Variants in RIMS2 observed in about 807,000 individuals in gnomAD.
RIMS2 encodes the protein regulating synaptic membrane exocytosis 2, also known as regulating synaptic membrane exocytosis protein 2.
RIMS2 carries 59 observed loss-of-function variants against 174.4 expected under a neutral mutation model. The observed-to-expected ratio is 0.34, with a 90% CI of 0.27 to 0.42. RIMS2 has a LOEUF of 0.42. Among genes scored for constraint, RIMS2 ranks in the 10% least tolerant of loss-of-function variants. RIMS2 has a pLI of 1.00. For synonymous variants in RIMS2, 606 were observed against 572.5 expected (o/e 1.06, Z -0.84); for missense variants, 1,620 against 1,666.3 (o/e 0.97, Z 0.48).
intron 3 of RIMS2, among the ~76,000 whole-genome samples, chr8:103,793,231 C>G (rs987486971): frequency 6.6e-6 from 1 of 152,190 alleles, no homozygotes; most frequent in African/African-American, 2.4e-5. Context: ...AGCTTATCCA[C>G]TACGATCAAG....
At chr8:103,758,560 T>G (rs1257712894) in intron 2 of RIMS2, among the ~76,000 whole-genome samples, 1 of 152,174 alleles carries the variant, frequency 6.6e-6, no homozygotes, top group Non-Finnish European at 1.5e-5. Context: ...CATGCAGCAC[T>G]TCTAGTTCTG....
At chr8:104,030,812 C>T (rs1486429433) in intron 19 of RIMS2, among the ~76,000 whole-genome samples, 1 of 152,076 alleles carries the variant, frequency 6.6e-6, no homozygotes, top group Non-Finnish European at 1.5e-5. Context: ...TTATTTCCTT[C>T]TTACCTACTT....
At chr8:103,802,455 T>C (rs1432494238) in intron 3 of RIMS2, among the ~76,000 whole-genome samples, 1 of 152,096 alleles carries the variant, frequency 6.6e-6, no homozygotes, top group East Asian at 1.9e-4. Context: ...CCCCTTTGGC[T>C]CTCCCAATAC....
chr8:103,774,962 T>C (rs146905898), intron 3 of RIMS2, among the ~76,000 whole-genome samples: 61 of 152,290 alleles, frequency 4.0e-4, no homozygotes, highest in African/African-American at 1.3e-3. Context: ...ACTGGTTTCA[T>C]TGAAATTTTA....
chr8:104,144,371 C>G (rs1306822789), intron 19 of RIMS2, among the ~76,000 whole-genome samples: 1 of 152,114 alleles, frequency 6.6e-6, no homozygotes, highest in Admixed American at 6.5e-5. Context: ...AACACTCAAT[C>G]TATTGTGTAG....
chr8:103,827,314 T>C (rs1045865144), intron 3 of RIMS2, among the ~76,000 whole-genome samples: 3 of 152,216 alleles, frequency 2.0e-5, no homozygotes, highest in Non-Finnish European at 4.4e-5. Context: ...AATATTAACC[T>C]TTTATCTTTT....
chr8:104,035,975 A>G (rs1352920960), intron 19 of RIMS2, among the ~76,000 whole-genome samples: 5 of 152,118 alleles, frequency 3.3e-5, no homozygotes, highest in African/African-American at 1.2e-4. Flanking sequence ...TGTAACCATG[A>G]AGTGAAATTT....
At chr8:103,917,258 G>A (rs2076788245) in intron 8 of RIMS2, among the ~76,000 whole-genome samples, 1 of 152,122 alleles carries the variant, frequency 6.6e-6, no homozygotes, top group Non-Finnish European at 1.5e-5. Context: ...GAAATCCTTT[G>A]TTGTAGAATG....
At position 103,810,393 on chromosome 8, in the gene RIMS2, A is replaced by G. The variant is rs143199299; in HGVS notation, c.698+43856A>G. 2.9e-3 allele frequency among the ~76,000 whole-genome samples: 448 copies of G among 152,288 alleles called. 2 individuals are homozygous for G. The highest frequency in any genetic ancestry group is 4.6e-3 in the Non-Finnish European group (312 of 68,018). ...AACTCACTGTTTCCCATTTACACTC[A>G]ATCAGTGGCAAGCAGCTAGTCAGTA... On this transcript the variant is annotated intron_variant, in intron 3 of 23. Transcript: ENST00000504942.
intron 2 of RIMS2, among the ~76,000 whole-genome samples, chr8:103,720,836 A>C (rs1378616676): frequency 6.6e-6 from 1 of 152,236 alleles, no homozygotes; most frequent in Non-Finnish European, 1.5e-5. Flanking sequence ...AATATATTAT[A>C]CATTCTAAGT....
intron 1 of RIMS2, among the ~76,000 whole-genome samples, chr8:103,546,013 A>G (rs960569339): frequency 6.6e-6 from 1 of 152,208 alleles, no homozygotes; most frequent in Admixed American, 6.5e-5. Flanking sequence ...CATTGACAGG[A>G]TTGAACCTGC....
intron 3 of RIMS2, among the ~76,000 whole-genome samples, chr8:103,838,884 T>C (rs1002078513): frequency 2.0e-5 from 3 of 152,058 alleles, no homozygotes; most frequent in South Asian, 2.1e-4. Context: ...GCTAACACGG[T>C]GAAACCCCGT....
intron 19 of RIMS2, among the ~76,000 whole-genome samples, chr8:104,207,215 C>T (rs531148625): frequency 3.9e-5 from 6 of 152,162 alleles, no homozygotes; most frequent in Admixed American, 2.0e-4. Flanking sequence ...ATTTCTGCTA[C>T]GCCCAGCCCA....
intron 1 of RIMS2, among the ~76,000 whole-genome samples, chr8:103,623,104 G>T (rs1400059134): frequency 1.3e-5 from 2 of 152,132 alleles, no homozygotes; most frequent in East Asian, 1.9e-4. Context: ...CATATTGAAG[G>T]TTAATAAAAA....
intron 3 of RIMS2, among the ~76,000 whole-genome samples, chr8:103,824,176 T>A (rs974585996): frequency 3.9e-5 from 6 of 152,140 alleles, no homozygotes; most frequent in African/African-American, 1.4e-4. Flanking sequence ...GCATTTTCTT[T>A]ATTGAAAGAA....
At chr8:103,716,980 G>A (rs2138229381) in intron 2 of RIMS2, among the ~76,000 whole-genome samples, 1 of 152,108 alleles carries the variant, frequency 6.6e-6, no homozygotes, top group East Asian at 1.9e-4. Context: ...CTGCCATGGA[G>A]ACTGATGACT....
intron 17 of RIMS2, chr8:103,998,198 C>G: frequency 6.2e-7 from 1 of 1,606,932 alleles, no homozygotes; most frequent in Non-Finnish European, 8.5e-7. Flanking sequence ...TTTTCTTACT[C>G]TACCTCGCTC....
At chr8:103,693,406 C>T (rs1162166953) in intron 1 of RIMS2, among the ~76,000 whole-genome samples, 1 of 152,100 alleles carries the variant, frequency 6.6e-6, no homozygotes, top group Non-Finnish European at 1.5e-5. Flanking sequence ...GATAGTTGTT[C>T]AATTTGGTGT....
chr8:104,138,722 CT>C (rs149280107), intron 19 of RIMS2, among the ~76,000 whole-genome samples: 3,008 of 152,188 alleles, frequency 0.02, 137 homozygotes, highest in East Asian at 0.15. Flanking sequence ...TGTGGATTGT[CT>C]CTTCACTTTG....
Sources: allele counts gnomAD v4.1 joint callset (sites outside exome capture counted in the v4.1 genomes callset), GRCh38; gene constraint gnomAD v4.1.1; transcripts MANE v1.5; gene names NCBI Gene and HGNC (gene_info 2026-07-23, HGNC 2026-07-21).